CRYBG1: variants seen among roughly 807,000 people sequenced by gnomAD.
CRYBG1 encodes the protein beta/gamma crystallin domain-containing protein 1.
In CRYBG1, 139 loss-of-function variants were observed where a neutral mutation model predicts 189.2. The ratio of observed to expected loss-of-function variants is 0.73; its 90% CI spans 0.64 to 0.85. CRYBG1 has a LOEUF of 0.85. Ranked by LOEUF, CRYBG1 falls within the 40% of genes least tolerant of loss-of-function variation. The pLI, the probability that CRYBG1 is intolerant of heterozygous loss-of-function variation, is 0.00. For synonymous variants in CRYBG1, 1,023 were observed against 1,017.1 expected, an observed-to-expected ratio of 1.01 and a Z score of -0.11; for missense variants, 2,611 against 2,675.8, an observed-to-expected ratio of 0.98 and a Z score of 0.53.
chr6:106,404,136 TG>T (rs1770773412), intron 1 of CRYBG1, among the ~76,000 whole-genome samples: 1 of 152,218 alleles, frequency 6.6e-6, no homozygotes, highest in Non-Finnish European at 1.5e-5. Context: ...TGGAGCACAC[TG>T]GCTTGGTGGT....
chr6:106,517,805 A>G (rs1773476560), intron 3 of CRYBG1, among the ~76,000 whole-genome samples: 1 of 152,232 alleles, frequency 6.6e-6, no homozygotes, highest in Non-Finnish European at 1.5e-5. Flanking sequence ...GATAATTAGC[A>G]TAAAAGCCAG....
intron 1 of CRYBG1, among the ~76,000 whole-genome samples, chr6:106,386,410 G>A (rs1010683594): frequency 6.6e-5 from 10 of 152,152 alleles, no homozygotes; most frequent in Non-Finnish European, 1.5e-5. Flanking sequence ...GGCTGTGTGT[G>A]GACTAAAATA....
Position 106,512,864 on chromosome 6 carries a change from A to T in CRYBG1, c.1747A>T (p.Lys583Ter). 1 of 1,590,280 alleles carries T rather than the reference A, an allele frequency of 6.3e-7. No individual in the cohort carries two copies. The highest frequency in any genetic ancestry group is 1.7e-4 in the Middle Eastern group (1 of 5,838). ...VKSSSLLPEI[K>*]PEHKRGPLPN... ...GAGCAGCTCGCTGCTGCCGGAGATC[A>T]AGCCCGAGCACAAGAGGGGCCCGCT... The change falls in exon 3 of 22, where the codon AAG becomes TAG. Residue 583 changes from lysine to a stop codon, truncating the protein, a stop_gained. Transcript: ENST00000633556. LOFTEE classifies it high-confidence loss of function.
chr6:106,523,526 C>T (rs372082604), intron 4 of CRYBG1, among the ~76,000 whole-genome samples: 1 of 152,074 alleles, frequency 6.6e-6, no homozygotes, highest in African/African-American at 2.4e-5. Flanking sequence ...TATACTTTTT[C>T]TAGGCCTTTT....
rs9486392 is a variant in CRYBG1, at chr6:106,542,910, A to T, written c.4882-530A>T. ...GTGATCCTCCTGCCTTGGCCTCCCA[A>T]AGTGCTGGAATTACAGGTGTGAGCC... On this transcript the variant is annotated intron_variant, in intron 10 of 21. Coordinates refer to ENST00000633556, the MANE Select transcript of CRYBG1 (RefSeq NM_001371242.2). Among the ~76,000 whole-genome samples, 480 of 149,072 alleles carry T rather than the reference A, an allele frequency of 3.2e-3. 2 individuals are homozygous for T. The highest frequency in any genetic ancestry group is 0.011 in the African/African-American group (464 of 40,742).
Position 106,543,426 on chromosome 6 carries a change from C to T in CRYBG1, c.4882-14C>T, listed in dbSNP as rs1774184219. 1 of 1,604,636 alleles carries T rather than the reference C, an allele frequency of 6.2e-7. No individual in the cohort carries two copies. The highest frequency in any genetic ancestry group is 2.2e-5 in the East Asian group (1 of 44,782). ...CTTCTTACAGATTACTGGTATATCT[C>T]ATTTCTATTGTAGGTAGTTGTTTAT... On this transcript the variant is annotated splice_polypyrimidine_tract_variant and intron_variant, in intron 10 of 21. Transcript: ENST00000633556.
intron 1 of CRYBG1, among the ~76,000 whole-genome samples, chr6:106,363,282 T>G (rs568235370): frequency 6.6e-6 from 1 of 151,908 alleles, no homozygotes; most frequent in Admixed American, 6.6e-5. Context: ...AATAGGAGAT[T>G]TGCTTCTCTC....
intron 2 of CRYBG1, among the ~76,000 whole-genome samples, chr6:106,507,870 AG>A (rs1725859970): frequency 6.6e-6 from 1 of 152,216 alleles, no homozygotes. Context: ...GGATATCCAC[AG>A]GGACCTGGTC....
intron 1 of CRYBG1, among the ~76,000 whole-genome samples, chr6:106,429,506 C>T (rs1038062382): frequency 3.3e-5 from 5 of 152,210 alleles, no homozygotes; most frequent in African/African-American, 1.2e-4. Flanking sequence ...CTTTAAGTCA[C>T]TTACTCTAGG....
At chr6:106,547,952 A>G (rs183841634) in intron 13 of CRYBG1, among the ~76,000 whole-genome samples, 2 of 152,342 alleles carry the variant, frequency 1.3e-5, no homozygotes, top group Middle Eastern at 3.4e-3. Context: ...TAAAACTAGG[A>G]GCAAAATGAA....
chr6:106,440,503 G>C (rs1175853450), intron 1 of CRYBG1, among the ~76,000 whole-genome samples: 1 of 152,148 alleles, frequency 6.6e-6, no homozygotes, highest in Non-Finnish European at 1.5e-5. Context: ...CTGATCTCAA[G>C]CGATCCACCT....
At position 106,512,925 on chromosome 6, in the gene CRYBG1, G is replaced by A. The variant is rs1209022164; in HGVS notation, c.1808G>A (p.Arg603Gln). Residue 603 changes from arginine (R) to glutamine (Q), a missense_variant, in exon 3 of 22, where the codon CGA (arginine) becomes CAA (glutamine). Arg to Gln is a conservative substitution (Grantham distance 43). Coordinates refer to ENST00000633556, the MANE Select transcript of CRYBG1 (RefSeq NM_001371242.2). Reference sequence around the variant, plus strand: ...TTCAACGGCCGGGCAGAGGGAGGTCGAAGCAGAGAGCTGGGCAGAGCGGCC... The same window carrying A: ...TTCAACGGCCGGGCAGAGGGAGGTCAAAGCAGAGAGCTGGGCAGAGCGGCC... ...NHFNGRAEGG[R>Q]SRELGRAAGA... 3 of 1,608,426 alleles carry A rather than the reference G, an allele frequency of 1.9e-6. No homozygotes were observed.
At position 106,558,022 on chromosome 6, in the gene CRYBG1, A is replaced by T. The variant is rs571535542; in HGVS notation, c.5716-464A>T. On this transcript the variant is annotated intron_variant, in intron 17 of 21. Transcript: ENST00000633556. ...GTCTTAGTGATGAACAGAAAAAAAA[A>T]AGACATTTGAAAATACATACAAGAG... is the stretch of plus-strand genomic sequence containing the variant. Among the ~76,000 whole-genome samples the T allele has an allele frequency of 7.2e-5, 11 of 152,302 alleles. No individual in the cohort carries two copies. The South Asian group carries it at 2.3e-3, about 32-fold the overall frequency.
rs75139290 is a variant in CRYBG1 at position 106,428,800 on chromosome 6, C to T, written c.174-22894C>T. On this transcript the variant is annotated intron_variant, in intron 1 of 21. Transcript: ENST00000633556. The stretch of plus-strand genomic sequence containing the variant: ...CCTTCAGTTCATTGTCATTTCTGTG[C>T]ATCAAAGCATCACCCCAAATTCTAG... Among the ~76,000 whole-genome samples, 144 of 152,288 alleles carry T rather than the reference C, an allele frequency of 9.5e-4. 1 individual carries two copies. The East Asian group carries it at 0.025, about 27-fold the overall frequency.
At chr6:106,477,692 T>C (rs1392718565) in intron 2 of CRYBG1, among the ~76,000 whole-genome samples, 4 of 152,242 alleles carry the variant, frequency 2.6e-5, no homozygotes, top group African/African-American at 9.6e-5. Flanking sequence ...AGGAGACCCA[T>C]GGACAACGGT....
chr6:106,510,045 G>A lies in CRYBG1; in HGVS notation c.313-1385G>A, dbSNP rs1234265860. ...ACTCAAACGCAATGGAGCTTCAAAG[G>A]GTGATTGGGGAACCTCCCCGTAGTC... On this transcript the variant is annotated intron_variant, in intron 2 of 21. Transcript: ENST00000633556. 2.0e-5 allele frequency among the ~76,000 whole-genome samples: 3 copies of A among 152,130 alleles called. No individual in the cohort carries two copies. In the East Asian group the frequency reaches 5.8e-4, roughly 29 times the overall value.
At chr6:106,558,461 G>C (rs9320179) in intron 17 of CRYBG1, 25 bp from the exon 18 acceptor site, 181,189 of 1,536,598 alleles carry the variant, frequency 0.12, 11,539 homozygotes, top group African/African-American at 0.22. Context: ...ATGAATAACA[G>C]AACATTGTTT....
chr6:106,363,180 C>T (rs1179238233), intron 1 of CRYBG1, among the ~76,000 whole-genome samples: 4 of 143,298 alleles, frequency 2.8e-5, no homozygotes, highest in Admixed American at 1.5e-4. Context: ...GGAGGCGGAG[C>T]TTGCAGTGAG....
At chr6:106,361,978 T>TCTTTCTTTCTTTCTTTCTTTCTTTC (rs1345622462) in intron 1 of CRYBG1, among the ~76,000 whole-genome samples, 1 of 134,422 alleles carries the variant, frequency 7.4e-6, no homozygotes, top group African/African-American at 2.8e-5. Context: ...TCTTTTTTTT[T>TCTTTCTTTCTTTCTTTCTTTCTTTC]TTTTTTTTCT....
Sources: gnomAD v4.1 joint callset for allele counts (sites outside exome capture counted in the v4.1 genomes callset) on GRCh38, gnomAD v4.1.1 for gene constraint, MANE v1.5 for transcripts, NCBI Gene and HGNC (gene_info 2026-07-23, HGNC 2026-07-21) for gene names.